SLC30A7: variants seen among roughly 807,000 people sequenced by gnomAD.
SLC30A7 encodes the protein solute carrier family 30 member 7.
A neutral mutation model predicts 46.0 loss-of-function variants in SLC30A7; 35 were observed. The observed-to-expected ratio is 0.76, with a 90% CI of 0.58 to 1.01. The LOEUF (loss-of-function observed/expected upper bound fraction) is 1.01. Ranked by LOEUF, SLC30A7 falls within the 50% of genes least tolerant of loss-of-function variation. SLC30A7 has a pLI of 0.00. For missense variants in SLC30A7, 464 were observed against 451.1 expected, an observed-to-expected ratio of 1.03 and a Z score of -0.26; for synonymous variants, 147 against 157.8, an observed-to-expected ratio of 0.93 and a Z score of 0.51.
intron 8 of SLC30A7, among the ~76,000 whole-genome samples, chr1:100,933,841 A>T (rs945861557): frequency 2.6e-5 from 4 of 152,212 alleles, no homozygotes; most frequent in Non-Finnish European, 4.4e-5. Flanking sequence ...GTTGGTTCCA[A>T]GTCTTTGCTG....
chr1:100,968,795 G>C (rs1655999879), intron 10 of SLC30A7, among the ~76,000 whole-genome samples: 1 of 152,180 alleles, frequency 6.6e-6, no homozygotes, highest in African/African-American at 2.4e-5. Context: ...CCTACCAGCT[G>C]TCATGATTTT....
chr1:100,961,919 G>T lies in SLC30A7; in HGVS notation c.933+1G>T. The T allele has an allele frequency of 6.3e-7, 1 of 1,581,000 alleles. No individual in the cohort carries two copies. Among genetic ancestry groups the T allele is most frequent in the Non-Finnish European group, 8.7e-7 (1 of 1,155,378 alleles). On this transcript the variant is annotated splice_donor_variant, in intron 9 of 10. Transcript: ENST00000357650. LOFTEE classifies it high-confidence loss of function. ...TAGTCTGCCTCAGTGCTATCAGAGGGTGAGTTTCAAATACTCCAAACCATT... is the reference window on the plus strand; with the variant it reads ...TAGTCTGCCTCAGTGCTATCAGAGGTTGAGTTTCAAATACTCCAAACCATT...
intron 2 of SLC30A7, among the ~76,000 whole-genome samples, chr1:100,898,606 A>G (rs1466079072): frequency 6.6e-6 from 1 of 152,184 alleles, no homozygotes; most frequent in Non-Finnish European, 1.5e-5. Flanking sequence ...ATTCTTAAAT[A>G]TTAATTTTTA....
chr1:100,994,785 C>T, the SLC30A7 span, among the ~76,000 whole-genome samples: 3 of 152,154 alleles, frequency 2.0e-5, no homozygotes, highest in Non-Finnish European at 2.9e-5. Flanking sequence ...CCTCAGCCTC[C>T]CAAAGTGCTG....
At chr1:100,939,171 A>T (rs1654178898) in intron 8 of SLC30A7, among the ~76,000 whole-genome samples, 1 of 118,050 alleles carries the variant, frequency 8.5e-6, no homozygotes, top group Admixed American at 8.4e-5. Context: ...TATTTAACAT[A>T]GTATTAGTGA....
intron 2 of SLC30A7, among the ~76,000 whole-genome samples, chr1:100,897,769 A>G (rs983012408): frequency 1.3e-5 from 2 of 152,172 alleles, no homozygotes; most frequent in African/African-American, 4.8e-5. Flanking sequence ...CAGATTATGA[A>G]GGTTATTGGT....
chr1:100,937,462 T>C (rs1436517625), intron 8 of SLC30A7, among the ~76,000 whole-genome samples: 1 of 152,208 alleles, frequency 6.6e-6, no homozygotes, highest in Non-Finnish European at 1.5e-5. Flanking sequence ...TGTTTTGTTT[T>C]TGTTTTTATT....
At chr1:100,907,818 T>C (rs920602764) in intron 3 of SLC30A7, among the ~76,000 whole-genome samples, 4 of 152,120 alleles carry the variant, frequency 2.6e-5, no homozygotes, top group Non-Finnish European at 4.4e-5. Context: ...CCTCTTACTC[T>C]CTCTTATCTT....
chr1:100,966,907 A>C (rs1168993382), intron 10 of SLC30A7, among the ~76,000 whole-genome samples: 2 of 152,190 alleles, frequency 1.3e-5, no homozygotes, highest in African/African-American at 4.8e-5. Flanking sequence ...TAATACCTTT[A>C]TATGCTGTTG....
rs766424212 is a variant in SLC30A7, at chr1:100,912,100, T to C, written c.385-12T>C. ...ATATCTATGCTATTTGTTTGTATTA[T>C]GTGTTTTCTAGAGAGCATTAGCCCC... On this transcript the variant is annotated splice_polypyrimidine_tract_variant and intron_variant, in intron 4 of 10. Transcript: ENST00000357650. The C allele has an allele frequency of 1.2e-5, 19 of 1,610,388 alleles. No homozygotes were observed. The Admixed American group carries it at 1.8e-4, about 16-fold the overall frequency.
intron 9 of SLC30A7, among the ~76,000 whole-genome samples, chr1:100,964,034 G>A (rs560059553): frequency 1.1e-3 from 171 of 151,994 alleles, no homozygotes; most frequent in African/African-American, 3.9e-3. Context: ...AAAGGATAAG[G>A]GATTTTCTTT....
At chr1:100,968,064 A>T (rs561444769) in intron 10 of SLC30A7, among the ~76,000 whole-genome samples, 1 of 152,344 alleles carries the variant, frequency 6.6e-6, no homozygotes, top group East Asian at 1.9e-4. Flanking sequence ...ACATATAAAT[A>T]CATATGTAGA....
rs1045851187 is a variant in SLC30A7 at position 100,917,890 on chromosome 1, A to G, written c.656-187A>G. Among the ~76,000 whole-genome samples, 8 of 152,210 alleles carry G rather than the reference A, an allele frequency of 5.3e-5. 1 individual carries two copies. The highest frequency in any genetic ancestry group is 5.2e-4 in the Admixed American group (8 of 15,282). On this transcript the variant is annotated intron_variant, in intron 6 of 10. Coordinates refer to ENST00000357650, the MANE Select transcript of SLC30A7 (RefSeq NM_133496.5). ...ATACTCCATACTTTTGATGAATTTT[A>G]AAACTACTGCCACTAAATTTACCTC...
At chr1:100,930,628 G>T (rs1280858052) in intron 8 of SLC30A7, among the ~76,000 whole-genome samples, 1 of 151,682 alleles carries the variant, frequency 6.6e-6, no homozygotes, top group Non-Finnish European at 1.5e-5. Context: ...ACAAATTCTG[G>T]AGATTTTACT....
intron 8 of SLC30A7, among the ~76,000 whole-genome samples, chr1:100,961,497 A>G (rs969420330): frequency 6.6e-6 from 1 of 152,190 alleles, no homozygotes; most frequent in Non-Finnish European, 1.5e-5. Flanking sequence ...TATCAGTGCT[A>G]CTATGATTAC....
At chr1:100,901,040 T>C (rs1651274028) in intron 2 of SLC30A7, among the ~76,000 whole-genome samples, 1 of 152,196 alleles carries the variant, frequency 6.6e-6, no homozygotes. Context: ...TGGATTGTTT[T>C]AAAGCAGACA....
At chr1:100,917,363 A>G (rs1249694571) in intron 6 of SLC30A7, among the ~76,000 whole-genome samples, 1 of 152,212 alleles carries the variant, frequency 6.6e-6, no homozygotes, top group African/African-American at 2.4e-5. Flanking sequence ...TCAAAGCTGT[A>G]CTGATAAGGG....
chr1:100,938,902 A>G (rs565092533), intron 8 of SLC30A7, among the ~76,000 whole-genome samples: 14 of 152,246 alleles, frequency 9.2e-5, no homozygotes, highest in African/African-American at 3.1e-4. Flanking sequence ...TTACATGGGT[A>G]TATTGCACCC....
chr1:100,899,191 T>C (rs1423397489), intron 2 of SLC30A7, among the ~76,000 whole-genome samples: 1 of 152,226 alleles, frequency 6.6e-6, no homozygotes, highest in Non-Finnish European at 1.5e-5. Context: ...AATGTAGGGA[T>C]CTTTTCTATC....
Sources: allele counts gnomAD v4.1 joint callset (sites outside exome capture counted in the v4.1 genomes callset), GRCh38; gene constraint gnomAD v4.1.1; transcripts MANE v1.5; gene names NCBI Gene and HGNC (gene_info 2026-07-23, HGNC 2026-07-21).